PRKN: variants seen among roughly 807,000 people sequenced by gnomAD.
PRKN encodes parkin RBR E3 ubiquitin protein ligase.
PRKN carries 56 observed loss-of-function variants against 59.5 expected under a neutral mutation model. The ratio of observed to expected loss-of-function variants is 0.94; its 90% CI spans 0.76 to 1.18. The LOEUF is 1.18. PRKN is among the 50% of genes most tolerant of loss of function. The pLI is 0.00. For missense variants in PRKN, 657 were observed against 596.4 expected, an observed-to-expected ratio of 1.10 and a Z score of -1.06; for synonymous variants, 250 against 222.1, an observed-to-expected ratio of 1.13 and a Z score of -1.12.
At position 161,372,627 on chromosome 6, in the gene PRKN, G is replaced by A. The variant is rs1785485060; in HGVS notation, c.1168-12422C>T. ...TAGCAGAACGGCGGCTCTCAGACCA[G>A]CGGCACCGGAAGCGCTTGTGCTGTG... is the stretch of plus-strand genomic sequence containing the variant. On this transcript the variant is annotated intron_variant, in intron 10 of 11. Coordinates refer to ENST00000366898, the MANE Select transcript of PRKN (RefSeq NM_004562.3). This position sits in a 1 kb window ranked among gnomAD's most constrained non-coding sequence, Gnocchi z 4.2. Among the ~76,000 whole-genome samples, 1 of 152,122 alleles carries A rather than the reference G, an allele frequency of 6.6e-6. No individual in the cohort carries two copies. Among genetic ancestry groups the A allele is most frequent in the Non-Finnish European group, 1.5e-5 (1 of 68,034 alleles).
chr6:161,619,011 C>T (rs560405449), intron 7 of PRKN, among the ~76,000 whole-genome samples: 2 of 152,222 alleles, frequency 1.3e-5, no homozygotes, highest in Non-Finnish European at 2.9e-5. Context: ...CAGCAGTTTT[C>T]GGCAGAGGGC....
chr6:161,540,735 T>C (rs892511163), intron 9 of PRKN, among the ~76,000 whole-genome samples: 5 of 152,238 alleles, frequency 3.3e-5, no homozygotes, highest in Non-Finnish European at 7.3e-5. Context: ...CTACAGAGTT[T>C]AGGAAATGCT....
intron 6 of PRKN, among the ~76,000 whole-genome samples, chr6:161,867,657 A>T (rs1794164657): frequency 6.6e-6 from 1 of 152,226 alleles, no homozygotes; most frequent in South Asian, 2.1e-4. Context: ...ATTTGGCATC[A>T]TAATGAGTGA....
chr6:161,401,298 C>A lies in PRKN; in HGVS notation c.1084-14421G>T, dbSNP rs1210950659. Among the ~76,000 whole-genome samples the A allele has an allele frequency of 2.6e-5, 4 of 152,044 alleles. No homozygotes were observed. The highest frequency in any genetic ancestry group is 4.4e-5 in the Non-Finnish European group (3 of 68,012). Reference sequence around the variant, plus strand: ...CTACCAAAGGCCAGTCTTGCTTTAGCACCAAAGAATTAATTTTAAAAGTTA... The same window carrying A: ...CTACCAAAGGCCAGTCTTGCTTTAGAACCAAAGAATTAATTTTAAAAGTTA... On this transcript the variant is annotated intron_variant, in intron 9 of 11. Transcript: ENST00000366898. The surrounding 1 kb of genome is among the most constrained non-coding windows in gnomAD (Gnocchi z 4.4).
intron 2 of PRKN, among the ~76,000 whole-genome samples, chr6:162,293,353 A>T (rs1781525390): frequency 6.6e-6 from 1 of 152,228 alleles, no homozygotes; most frequent in South Asian, 2.1e-4. Flanking sequence ...ATAAGATTAA[A>T]AGAATGAGGG....
At position 161,503,522 on chromosome 6, in the gene PRKN, G is replaced by A. The variant is rs1015346616; in HGVS notation, c.1083+45332C>T. On this transcript the variant is annotated intron_variant, in intron 9 of 11. Coordinates refer to ENST00000366898, the MANE Select transcript of PRKN (RefSeq NM_004562.3). The surrounding 1 kb of genome is among the most constrained non-coding windows in gnomAD (Gnocchi z 5.1). The stretch of plus-strand genomic sequence containing the variant: ...TTTTAACTCACTTAATGGCTGCAAC[G>A]GCCCCAGGAGGTAGATACTTATTAA... 6.6e-6 allele frequency among the ~76,000 whole-genome samples: 1 copy of A among 152,072 alleles called. No homozygotes were observed. Among genetic ancestry groups the A allele is most frequent in the Non-Finnish European group, 1.5e-5 (1 of 68,032 alleles).
chr6:162,495,590 G>T (rs1296295366), intron 1 of PRKN, among the ~76,000 whole-genome samples: 1 of 152,196 alleles, frequency 6.6e-6, no homozygotes, highest in Non-Finnish European at 1.5e-5. Flanking sequence ...ACACTTCAAA[G>T]CCAGATCTCA....
At chr6:162,727,611 C>T (rs2128243098) in intron 1 of PRKN, 51 bp downstream of exon 1, 3 of 1,559,926 alleles carry the variant, frequency 1.9e-6, no homozygotes, top group Non-Finnish European at 2.6e-6. Flanking sequence ...TGGCGCCATA[C>T]CGGGGCGTGG....
At chr6:161,743,955 C>A (rs1021122484) in intron 7 of PRKN, among the ~76,000 whole-genome samples, 2 of 152,082 alleles carry the variant, frequency 1.3e-5, no homozygotes, top group African/African-American at 4.8e-5. Context: ...CCAAACTGTT[C>A]CACGGAGCCC....
intron 4 of PRKN, among the ~76,000 whole-genome samples, chr6:162,060,589 C>T (rs1489586016): frequency 6.6e-6 from 1 of 152,046 alleles, no homozygotes; most frequent in Non-Finnish European, 1.5e-5. Context: ...CTTTCAATGC[C>T]CAGAAAAGTG....
At chr6:162,402,152 G>C (rs1247932386) in intron 2 of PRKN, among the ~76,000 whole-genome samples, 1 of 151,668 alleles carries the variant, frequency 6.6e-6, no homozygotes, top group Non-Finnish European at 1.5e-5. Context: ...GAGAGGCTAA[G>C]GCACTAGAAT....
chr6:161,694,977 G>T (rs758697883), intron 7 of PRKN, among the ~76,000 whole-genome samples: 1 of 152,036 alleles, frequency 6.6e-6, no homozygotes, highest in Non-Finnish European at 1.5e-5. Context: ...AATTGTCCTC[G>T]GTGGGACCCA....
intron 7 of PRKN, among the ~76,000 whole-genome samples, chr6:161,712,146 A>G (rs1387354901): frequency 6.6e-6 from 1 of 152,204 alleles, no homozygotes; most frequent in Non-Finnish European, 1.5e-5. Flanking sequence ...AGTTAGCATT[A>G]TGGTAACAGA....
At chr6:162,433,696 TTG>T (rs1189717611) in intron 2 of PRKN, among the ~76,000 whole-genome samples, 1 of 124,978 alleles carries the variant, frequency 8.0e-6, no homozygotes, top group African/African-American at 3.9e-5. Context: ...AAACAAATGT[TTG>T]TGTTTATTTC....
chr6:162,643,489 C>T (rs938391336), intron 1 of PRKN, among the ~76,000 whole-genome samples: 4 of 151,010 alleles, frequency 2.6e-5, no homozygotes, highest in African/African-American at 9.7e-5. Flanking sequence ...TTAAATTTAC[C>T]TAGAAATTAG....
intron 1 of PRKN, among the ~76,000 whole-genome samples, chr6:162,599,868 T>G (rs1351141145): frequency 6.6e-6 from 1 of 152,238 alleles, no homozygotes; most frequent in Non-Finnish European, 1.5e-5. Context: ...TTCACTAGTT[T>G]CTAAAGGTGG....
At chr6:162,254,869 A>G (rs1228435239) in intron 3 of PRKN, among the ~76,000 whole-genome samples, 2 of 152,100 alleles carry the variant, frequency 1.3e-5, no homozygotes, top group Non-Finnish European at 2.9e-5. Context: ...TACATTTCCC[A>G]ACATAAAATG....
At position 161,456,653 on chromosome 6, in the gene PRKN, A is replaced by T. The variant is rs561671508; in HGVS notation, c.1084-69776T>A. Among the ~76,000 whole-genome samples, 1 of 152,296 alleles carries T rather than the reference A, an allele frequency of 6.6e-6. No individual in the cohort carries two copies. The highest frequency in any genetic ancestry group is 1.9e-4 in the East Asian group (1 of 5,176). Reference sequence around the variant, plus strand: ...ACATCACCAGCTTGAATCCTGCCCAAGAATAAAGAGGATCAAGGACAGGGC... The same window carrying T: ...ACATCACCAGCTTGAATCCTGCCCATGAATAAAGAGGATCAAGGACAGGGC... On this transcript the variant is annotated intron_variant, in intron 9 of 11. Transcript: ENST00000366898. This position sits in a 1 kb window ranked among gnomAD's most constrained non-coding sequence, Gnocchi z 4.8.
rs927872015 is a variant in PRKN at position 161,576,541 on chromosome 6, T to C, written c.872-7125A>G. Among the ~76,000 whole-genome samples the C allele has an allele frequency of 6.6e-6, 1 of 152,242 alleles. No homozygotes were observed. Among genetic ancestry groups the C allele is most frequent in the Admixed American group, 6.5e-5 (1 of 15,290 alleles). On this transcript the variant is annotated intron_variant, in intron 7 of 11. Transcript: ENST00000366898. This position sits in a 1 kb window ranked among gnomAD's most constrained non-coding sequence, Gnocchi z 4.6. ...GATAAAATCATTCAACAAATAGCCA[T>C]TGTGCACCCACTTTGTGCCAGGCAC...
Sources: gnomAD v4.1 joint callset for allele counts (sites outside exome capture counted in the v4.1 genomes callset) on GRCh38, gnomAD v4.1.1 for gene constraint, Gnocchi (gnomAD v3.1) non-coding constraint, MANE v1.5 for transcripts, NCBI Gene and HGNC (gene_info 2026-07-23, HGNC 2026-07-21) for gene names.